Variants in MYPN observed in about 807,000 individuals in gnomAD.
The protein encoded by MYPN is sarcomeric protein myopalladin, 145 kDa (MYOP).
A neutral mutation model predicts 129.4 loss-of-function variants in MYPN; 63 were observed. The ratio of observed to expected loss-of-function variants is 0.49; its 90% CI spans 0.40 to 0.60. The LOEUF (loss-of-function observed/expected upper bound fraction) is 0.60. MYPN is among the 20% of genes least tolerant of loss of function. The pLI is 0.00. For missense variants in MYPN, 1,596 were observed against 1,635.4 expected, an observed-to-expected ratio of 0.98 and a Z score of 0.42; for synonymous variants, 629 against 600.9, an observed-to-expected ratio of 1.05 and a Z score of -0.68.
chr10:68,166,213 T>A (rs761382716), intron 9 of MYPN, 81 bp from the exon 10 acceptor site: 1 of 1,542,984 alleles, frequency 6.5e-7, no homozygotes, highest in Non-Finnish European at 9.0e-7. Flanking sequence ...TCCTCTGGTG[T>A]GAACACTTTC....
chr10:68,110,654 A>G lies in MYPN; in HGVS notation c.-2+931A>G, dbSNP rs543979213. ...ACAAACACTAAATTAAAAATTTGTC[A>G]TAACTTTATAGTCTCTCCTTAATAA... On this transcript the variant is annotated intron_variant, in intron 1 of 19. Transcript: ENST00000358913. Among the ~76,000 whole-genome samples the G allele has an allele frequency of 5.3e-5, 8 of 152,324 alleles. No individual in the cohort carries two copies. The South Asian group carries it at 6.2e-4, about 12-fold the overall frequency.
At chr10:68,151,225 T>C (rs2042764902) in intron 6 of MYPN, among the ~76,000 whole-genome samples, 1 of 152,224 alleles carries the variant, frequency 6.6e-6, no homozygotes, top group African/African-American at 2.4e-5. Context: ...TACAGAAGCA[T>C]CCATTTCATG....
chr10:68,164,853 C>G (rs990237212), intron 8 of MYPN, among the ~76,000 whole-genome samples: 2 of 152,328 alleles, frequency 1.3e-5, no homozygotes, highest in African/African-American at 4.8e-5. Flanking sequence ...TTCTTTCACA[C>G]AGAATTTCAA....
At position 68,194,458 on chromosome 10, in the gene MYPN, A is replaced by C. The variant is rs1050710278; in HGVS notation, c.3021A>C (p.Glu1007Asp). ...ATGGGACATGCTCTCTGCACATTGA[A>C]TCCACTACCAGTGATGACGATGGCA... ...EGDGTCSLHI[E>D]STTSDDDGNY... Residue 1007 changes from glutamate (E) to aspartate (D), a missense_variant, in exon 14 of 20, where the codon GAA becomes GAC. Glu to Asp is a conservative substitution (Grantham distance 45). Coordinates refer to ENST00000358913, the MANE Select transcript of MYPN (RefSeq NM_032578.4). The C allele has an allele frequency of 1.2e-6, 2 of 1,613,972 alleles. No homozygotes were observed. Among genetic ancestry groups the C allele is most frequent in the Non-Finnish European group, 1.7e-6 (2 of 1,179,908 alleles).
At chr10:68,160,387 G>A (rs1050951580) in intron 7 of MYPN, among the ~76,000 whole-genome samples, 11 of 126,622 alleles carry the variant, frequency 8.7e-5, no homozygotes, top group African/African-American at 3.4e-4. Context: ...CTGAGATCAC[G>A]CCACTGCATT....
chr10:68,093,553 G>C lies in MYPN; in HGVS notation c.-2+5561G>C, dbSNP rs556063874. Among the ~76,000 whole-genome samples the C allele has an allele frequency of 2.9e-3, 426 of 146,780 alleles. 1 individual carries two copies. The highest frequency in any genetic ancestry group is 0.01 in the African/African-American group (414 of 39,502). On this transcript the variant is annotated intron_variant, in intron 1 of 6. Coordinates refer to the MYPN transcript ENST00000685154. ...GCAGATCGAGACCATCCCGGCTAACGTGGTGAAACCCCATCTCTACTAAAA... is the reference window on the plus strand; with the variant it reads ...GCAGATCGAGACCATCCCGGCTAACCTGGTGAAACCCCATCTCTACTAAAA...
chr10:68,210,617 C>G lies in MYPN; in HGVS notation c.*162C>G. 2 of 801,356 alleles carry G rather than the reference C, an allele frequency of 2.5e-6. No homozygotes were observed. The highest frequency in any genetic ancestry group is 4.3e-6 in the Non-Finnish European group (2 of 469,898). 49.6% of individuals were successfully genotyped at this position (801,356 alleles called of 1,614,324 possible). A position where few individuals can be genotyped will look rare whatever the true frequency, so the allele number is the denominator to read the frequency against. On this transcript the variant is annotated 3_prime_UTR_variant, in exon 20 of 20. Coordinates refer to ENST00000358913, the MANE Select transcript of MYPN (RefSeq NM_032578.4). The stretch of plus-strand genomic sequence containing the variant: ...TAAGTCAGCTAGGGATTCTTGCAGT[C>G]TCAGCTGAGGGAGAAAGGTAGGGCT...
rs199476409 is a variant in MYPN, at chr10:68,166,524, G to A, written c.1831G>A (p.Ala611Thr). 6.2e-7 allele frequency: 1 copy of A among 1,614,140 alleles called. No individual in the cohort carries two copies. The highest frequency in any genetic ancestry group is 8.5e-7 in the Non-Finnish European group (1 of 1,180,030). Residue 611 changes from alanine (A) to threonine (T), a missense_variant, in exon 10 of 20, where the codon GCA (alanine) becomes ACA (threonine). Coordinates refer to ENST00000358913, the MANE Select transcript of MYPN (RefSeq NM_032578.4). ...NLPEDDKGSE[A>T]SSEAGVVTTR... ...GCCTGAAGATGACAAAGGAAGTGAA[G>A]CATCCTCCGAGGCTGGTGTGGTGAC...
At chr10:68,096,419 G>A (rs763004925) in intron 1 of MYPN, among the ~76,000 whole-genome samples, 1 of 152,046 alleles carries the variant, frequency 6.6e-6, no homozygotes, top group African/African-American at 2.4e-5. Flanking sequence ...AAAATTAGCC[G>A]GGCATGGTGG....
Position 68,211,072 on chromosome 10 carries a change from A to C in MYPN, c.*617A>C. The C allele has an allele frequency of 2.2e-6, 1 of 454,128 alleles. No individual in the cohort carries two copies. Among genetic ancestry groups the C allele is most frequent in the South Asian group, 1.6e-5 (1 of 64,482 alleles). 28.1% of individuals were successfully genotyped at this position (454,128 alleles called of 1,614,324 possible). On this transcript the variant is annotated 3_prime_UTR_variant, in exon 20 of 20. Coordinates refer to ENST00000358913, the MANE Select transcript of MYPN (RefSeq NM_032578.4). ...GTGTCAAAATGTGCTTGAGATTCCA[A>C]AAACTTGCTGAAACACTTGATATTG...
In MYPN at chr10:68,174,047, A is replaced by G. The variant is rs1178119193; in HGVS notation, c.1974-19A>G. 2.6e-6 allele frequency: 4 copies of G among 1,561,302 alleles called. No homozygotes were observed. The highest frequency in any genetic ancestry group is 1.4e-5 in the African/African-American group (1 of 73,664). ...ATAACACATTTCCTTCTCTCTCTCC[A>G]CCCTTGTTTTGTGTACAGTGATTCC... On this transcript the variant is annotated intron_variant, in intron 10 of 19. Transcript: ENST00000358913.
At chr10:68,195,375 T>C in intron 14 of MYPN, 75 bp from the exon 15 acceptor site, 1 of 1,410,308 alleles carries the variant, frequency 7.1e-7, no homozygotes, top group South Asian at 1.2e-5. Context: ...GGTGTTCTGG[T>C]CCAGAAATTT....
At chr10:68,125,356 T>C (rs2042309420) in intron 2 of MYPN, among the ~76,000 whole-genome samples, 1 of 152,168 alleles carries the variant, frequency 6.6e-6, no homozygotes, top group African/African-American at 2.4e-5. Flanking sequence ...GCTAGGAAAT[T>C]AGTAGGTATA....
In MYPN at chr10:68,121,495, C is replaced by G. The variant is rs753909344; in HGVS notation, c.57C>G (p.Ser19Arg). ...CCATATCTCAGCTTCTAAGAGAGAG[C>G]TATTTAGCTGAAACCAGACATCGGG... ...STSISQLLRE[S>R]YLAETRHRGN... Residue 19 changes from serine to arginine, a missense_variant, in exon 2 of 20, where the codon AGC becomes AGG. By Grantham distance (110) the Ser-to-Arg change is moderately radical (BLOSUM62 -1). Coordinates refer to ENST00000358913, the MANE Select transcript of MYPN (RefSeq NM_032578.4). The G allele has an allele frequency of 6.2e-7, 1 of 1,614,104 alleles. No individual in the cohort carries two copies. The highest frequency in any genetic ancestry group is 1.1e-5 in the South Asian group (1 of 91,074).
At chr10:68,149,901 G>T in intron 5 of MYPN, 139 bp from the exon 6 acceptor site, 1 of 762,326 alleles carries the variant, frequency 1.3e-6, no homozygotes, top group Non-Finnish European at 2.3e-6. Context: ...TTTGAAGTCT[G>T]TGATTCATAA....
intron 1 of MYPN, among the ~76,000 whole-genome samples, chr10:68,091,206 T>A (rs896820858): frequency 3.9e-5 from 6 of 152,060 alleles, no homozygotes; most frequent in African/African-American, 1.5e-4. Context: ...TTGTGAGCAT[T>A]GGCCTGGGCT....
chr10:68,100,054 T>C (rs1252605563), intron 1 of MYPN, among the ~76,000 whole-genome samples: 1 of 152,178 alleles, frequency 6.6e-6, no homozygotes, highest in African/African-American at 2.4e-5. Context: ...GATAATGATA[T>C]AGTATACCTT....
At position 68,113,726 on chromosome 10, in the gene MYPN, AT is replaced by A. The variant is rs1253146023; in HGVS notation, c.-2+4004del. Among the ~76,000 whole-genome samples, 8 of 152,264 alleles carry A rather than the reference AT, an allele frequency of 5.3e-5. 1 individual carries two copies. Among genetic ancestry groups the A allele is most frequent in the African/African-American group, 1.7e-4 (7 of 41,560 alleles). On this transcript the variant is annotated intron_variant, in intron 1 of 19. Coordinates refer to ENST00000358913, the MANE Select transcript of MYPN (RefSeq NM_032578.4). ...AAAAAAAAAAGACACATTTAAAAAAATAATAAATTCGTTTTTTTCAGCTTTA... is the reference window on the plus strand; with the variant it reads ...AAAAAAAAAAGACACATTTAAAAAAAAATAAATTCGTTTTTTTCAGCTTTA...
At chr10:68,160,336 C>A (rs1256275324) in intron 7 of MYPN, among the ~76,000 whole-genome samples, 6 of 147,328 alleles carry the variant, frequency 4.1e-5, no homozygotes, top group Non-Finnish European at 7.4e-5. Flanking sequence ...AAGGTTGAGG[C>A]AGGAGAATCA....
Sources: gnomAD v4.1 joint callset for allele counts (sites outside exome capture counted in the v4.1 genomes callset) on GRCh38, gnomAD v4.1.1 for gene constraint, MANE v1.5 for transcripts, NCBI Gene and HGNC (gene_info 2026-07-23, HGNC 2026-07-21) for gene names.